PLEKHM3: variants seen among roughly 807,000 people sequenced by gnomAD.
PLEKHM3 encodes pleckstrin homology domain containing M3.
PLEKHM3 carries 45 observed loss-of-function variants against 81.8 expected under a neutral mutation model. That is an observed-to-expected ratio of 0.55 (90% confidence interval 0.43 to 0.71). PLEKHM3 has a LOEUF of 0.71. Among genes scored for constraint, PLEKHM3 ranks in the 30% least tolerant of loss-of-function variants. The pLI, the probability that PLEKHM3 is intolerant of heterozygous loss-of-function variation, is 0.00. For synonymous variants in PLEKHM3, 352 were observed against 356.4 expected (o/e 0.99, Z 0.14); for missense variants, 788 against 924.3 (o/e 0.85, Z 1.91).
intron 6 of PLEKHM3, chr2:207,868,848 T>C (rs1402301758): frequency 6.6e-6 from 1 of 152,210 alleles, no homozygotes; most frequent in Non-Finnish European, 1.5e-5. Context: ...GAAATTAATG[T>C]AAAGCAGTCA....
intron 5 of PLEKHM3, among the ~76,000 whole-genome samples, chr2:207,915,073 C>T (rs16840149): frequency 0.014 from 2,105 of 152,278 alleles, 43 homozygotes; most frequent in African/African-American, 0.047. Context: ...ATTGAAGAAA[C>T]GTGCTAGAAG....
chr2:207,946,293 A>G (rs377290722), intron 4 of PLEKHM3, 74 bp downstream of exon 4: 2 of 1,507,374 alleles, frequency 1.3e-6, no homozygotes, highest in African/African-American at 1.4e-5. Flanking sequence ...TTTGATCACC[A>G]TCTTTATAAT....
intron 1 of PLEKHM3, among the ~76,000 whole-genome samples, chr2:208,007,647 G>T (rs1352318427): frequency 6.6e-6 from 1 of 152,216 alleles, no homozygotes; most frequent in Non-Finnish European, 1.5e-5. Flanking sequence ...GCTGGAGGTG[G>T]TGGCTCACAC....
chr2:207,982,578 C>CTTT (rs34116964), intron 2 of PLEKHM3, among the ~76,000 whole-genome samples: 4 of 129,156 alleles, frequency 3.1e-5, no homozygotes, highest in African/African-American at 1.1e-4. Context: ...CATTGATTTT[C>CTTT]TTTTTTTTTT....
chr2:207,920,119 A>G (rs1683582167), intron 5 of PLEKHM3, among the ~76,000 whole-genome samples: 1 of 152,174 alleles, frequency 6.6e-6, no homozygotes, highest in Non-Finnish European at 1.5e-5. Flanking sequence ...ATGTGACACC[A>G]AAGATAGGAA....
intron 7 of PLEKHM3, among the ~76,000 whole-genome samples, chr2:207,847,518 T>C (rs906151239): frequency 2.6e-5 from 4 of 152,194 alleles, no homozygotes; most frequent in Non-Finnish European, 5.9e-5. Flanking sequence ...GCACACGACA[T>C]GTGAGCTGTC....
rs146030018 is a variant in PLEKHM3, at chr2:207,930,572, G to A, written c.1886+354C>T. Among the ~76,000 whole-genome samples the A allele has an allele frequency of 7.2e-3, 1,101 of 152,036 alleles. 4 individuals carry two copies. Among genetic ancestry groups the A allele is most frequent in the Middle Eastern group, 0.02 (6 of 294 alleles). ...TGATGAGAAACAGGAATTGAAATTG[G>A]GAAAAGTATAAAATACTACATAAGT... On this transcript the variant is annotated intron_variant, in intron 5 of 7. Coordinates refer to ENST00000427836, the MANE Select transcript of PLEKHM3 (RefSeq NM_001080475.3).
rs1688412222 is a variant in PLEKHM3 at position 207,901,119 on chromosome 2, C to T, written c.1950+7395G>A. 2.6e-5 allele frequency: 16 copies of T among 620,516 alleles called. No homozygotes were observed. In the South Asian group the frequency reaches 3.0e-4, roughly 12 times the overall value. 38.4% of individuals were successfully genotyped at this position (620,516 alleles called of 1,614,324 possible). On this transcript the variant is annotated intron_variant, in intron 6 of 7. Transcript: ENST00000427836. The stretch of plus-strand genomic sequence containing the variant: ...CTGGAATCCTTATCTCAACTGAGCT[C>T]CTTCTCACCTGGGCAACAGGGCTCT...
chr2:207,935,736 G>A (rs1190424149), intron 4 of PLEKHM3, among the ~76,000 whole-genome samples: 1 of 152,072 alleles, frequency 6.6e-6, no homozygotes, highest in East Asian at 1.9e-4. Flanking sequence ...TTTTAGCATT[G>A]TTTATATTCA....
chr2:207,840,799 G>GTTTTTTTTTTTTT, intron 7 of PLEKHM3, among the ~76,000 whole-genome samples: 1 of 109,794 alleles, frequency 9.1e-6, no homozygotes, highest in Non-Finnish European at 1.8e-5. Context: ...CACTTTTTAT[G>GTTTTTTTTTTTTT]TTTTTTTTTT....
At chr2:207,957,237 GAAT>G (rs1411667715) in intron 3 of PLEKHM3, among the ~76,000 whole-genome samples, 1 of 152,172 alleles carries the variant, frequency 6.6e-6, no homozygotes, top group Non-Finnish European at 1.5e-5. Flanking sequence ...AGGTGATTAA[GAAT>G]AATCCCCCTT....
chr2:207,882,498 G>C (rs924484093), intron 6 of PLEKHM3, among the ~76,000 whole-genome samples: 1 of 150,972 alleles, frequency 6.6e-6, no homozygotes, highest in Non-Finnish European at 1.5e-5. Flanking sequence ...TGTAATCGCA[G>C]TTACCCGGGA....
chr2:207,853,188 G>A (rs2092421437), intron 7 of PLEKHM3, among the ~76,000 whole-genome samples: 1 of 152,154 alleles, frequency 6.6e-6, no homozygotes, highest in Admixed American at 6.5e-5. Flanking sequence ...ACTTTGGGAG[G>A]CCAAGGCGGG....
chr2:207,949,693 C>T (rs1297015983), intron 3 of PLEKHM3, among the ~76,000 whole-genome samples: 1 of 152,136 alleles, frequency 6.6e-6, no homozygotes, highest in East Asian at 1.9e-4. Flanking sequence ...AGAATCCAAT[C>T]CTTCCTAATG....
chr2:207,995,570 GA>G (rs776692689), intron 2 of PLEKHM3, among the ~76,000 whole-genome samples: 43 of 152,212 alleles, frequency 2.8e-4, no homozygotes, highest in Non-Finnish European at 4.6e-4. Context: ...CTCACTGTGG[GA>G]ATTTGAACAA....
At chr2:208,002,898 C>A (rs940942212) in intron 1 of PLEKHM3, among the ~76,000 whole-genome samples, 3 of 151,428 alleles carry the variant, frequency 2.0e-5, no homozygotes, top group African/African-American at 7.3e-5. Context: ...TCACATATAC[C>A]TTTTACCAGG....
chr2:207,959,886 TGTTGTAC>T (rs1225729618), intron 3 of PLEKHM3, among the ~76,000 whole-genome samples: 5 of 152,350 alleles, frequency 3.3e-5, no homozygotes, highest in African/African-American at 1.2e-4. Flanking sequence ...AAATTATTTA[TGTTGTAC>T]AAGATTTAGG....
chr2:207,938,833 CCAA>C (rs1689845342), intron 4 of PLEKHM3, among the ~76,000 whole-genome samples: 1 of 152,150 alleles, frequency 6.6e-6, no homozygotes, highest in Non-Finnish European at 1.5e-5. Flanking sequence ...TGAATGACCA[CCAA>C]AACAAAACAT....
chr2:207,974,155 A>G (rs1470550614), intron 3 of PLEKHM3, among the ~76,000 whole-genome samples: 1 of 152,176 alleles, frequency 6.6e-6, no homozygotes, highest in Non-Finnish European at 1.5e-5. Flanking sequence ...GAACCTAACT[A>G]AGGCAGCTGC....
Sources: allele counts gnomAD v4.1 joint callset (sites outside exome capture counted in the v4.1 genomes callset), GRCh38; gene constraint gnomAD v4.1.1; transcripts MANE v1.5; gene names NCBI Gene and HGNC (gene_info 2026-07-23, HGNC 2026-07-21).